MYMK: variants seen among roughly 807,000 people sequenced by gnomAD.
MYMK encodes protein myomaker.
A neutral mutation model predicts 22.4 loss-of-function variants in MYMK; 16 were observed. The ratio of observed to expected loss-of-function variants is 0.72; its 90% CI spans 0.48 to 1.09. The LOEUF (loss-of-function observed/expected upper bound fraction) is 1.09, where lower values mean the gene tolerates loss of function less well. Among genes scored for constraint, MYMK ranks in the 50% least tolerant of loss-of-function variants. The pLI is 0.00. For missense variants in MYMK, 250 were observed against 295.6 expected (o/e 0.85, Z 1.13); for synonymous variants, 125 against 127.0 (o/e 0.98, Z 0.11).
At chr9:133,521,500 G>A (rs531380138) in intron 1 of MYMK, among the ~76,000 whole-genome samples, 46 of 152,218 alleles carry the variant, frequency 3.0e-4, no homozygotes, top group Non-Finnish European at 4.9e-4. Context: ...CTAAAGTGAC[G>A]GTGCACCTAG....
At chr9:133,518,378 G>A (rs995428744) in intron 3 of MYMK, among the ~76,000 whole-genome samples, 2 of 152,186 alleles carry the variant, frequency 1.3e-5, no homozygotes, top group African/African-American at 4.8e-5. Context: ...AACCAAGCTC[G>A]AGGCTCACTC....
At chr9:133,520,080 A>C (rs1844682375) in intron 2 of MYMK, 94 bp downstream of exon 2, 1 of 892,298 alleles carries the variant, frequency 1.1e-6, no homozygotes. Context: ...GTGGGGATAG[A>C]GGGCTGCAGC....
At chr9:133,524,397 A>G (rs911485512) in intron 1 of MYMK, among the ~76,000 whole-genome samples, 2 of 152,046 alleles carry the variant, frequency 1.3e-5, no homozygotes, top group African/African-American at 4.8e-5. Flanking sequence ...GGCTTTGATT[A>G]GCAGCTGAGA....
intron 1 of MYMK, among the ~76,000 whole-genome samples, chr9:133,522,887 G>T (rs539764037): frequency 6.6e-6 from 1 of 152,344 alleles, no homozygotes; most frequent in South Asian, 2.1e-4. Flanking sequence ...AGTGACACAA[G>T]TGACTCTGTC....
chr9:133,524,643 CAG>C (rs1033024572), intron 1 of MYMK, 65 bp downstream of exon 1: 15 of 1,610,440 alleles, frequency 9.3e-6, no homozygotes, highest in Admixed American at 3.4e-5. Flanking sequence ...ACGCTGTGGA[CAG>C]AGAGCCTCTC....
chr9:133,516,096 A>T (rs548064956), intron 3 of MYMK, among the ~76,000 whole-genome samples: 20 of 152,206 alleles, frequency 1.3e-4, no homozygotes, highest in Non-Finnish European at 2.5e-4. Flanking sequence ...CTCACTCTTC[A>T]TTAGACAAAC....
At chr9:133,518,744 GA>G in intron 3 of MYMK, 129 bp downstream of exon 3, 2 of 1,242,252 alleles carry the variant, frequency 1.6e-6, no homozygotes, top group Non-Finnish European at 2.2e-6. Flanking sequence ...TGGTTTTGCT[GA>G]ATTCCTGCAT....
intron 4 of MYMK, 40 bp from the exon 5 acceptor site, chr9:133,514,825 T>C (rs1366767620): frequency 1.3e-6 from 2 of 1,587,426 alleles, no homozygotes; most frequent in South Asian, 2.3e-5. Context: ...CTCAGCCCCC[T>C]CCCCGAGGCT....
At chr9:133,522,161 G>A (rs1368274699) in intron 1 of MYMK, among the ~76,000 whole-genome samples, 2 of 152,250 alleles carry the variant, frequency 1.3e-5, no homozygotes, top group African/African-American at 2.4e-5. Context: ...TGCCCAAAGA[G>A]GTGAAACAGA....
At position 133,515,350 on chromosome 9, in the gene MYMK, A is replaced by G. The variant is rs1844618485; in HGVS notation, c.516+141T>C. The G allele has an allele frequency of 3.0e-6, 2 of 662,410 alleles. No individual in the cohort carries two copies. The highest frequency in any genetic ancestry group is 1.8e-5 in the South Asian group (1 of 56,218). 41.0% of individuals were successfully genotyped at this position (662,410 alleles called of 1,614,324 possible). ...CCCCGACATAGCCCTGGGAGGGGCT[A>G]GTGAGCAGGGACTAATACCAGACTT... On this transcript the variant is annotated intron_variant, in intron 4 of 4. Transcript: ENST00000339996. The surrounding 1 kb of genome is among the most constrained non-coding windows in gnomAD (Gnocchi z 5.8).
intron 3 of MYMK, among the ~76,000 whole-genome samples, chr9:133,517,269 C>T (rs1377072842): frequency 6.6e-6 from 1 of 152,244 alleles, no homozygotes; most frequent in Non-Finnish European, 1.5e-5. Flanking sequence ...AGCGCTCCCT[C>T]TCTCCCCACC....
intron 1 of MYMK, among the ~76,000 whole-genome samples, chr9:133,523,688 A>G (rs1242311602): frequency 9.3e-6 from 1 of 107,894 alleles, no homozygotes; most frequent in Non-Finnish European, 2.1e-5. Flanking sequence ...AGATGGAGAG[A>G]GAGAGAGAGA....
intron 1 of MYMK, among the ~76,000 whole-genome samples, chr9:133,521,025 C>G (rs1844697072): frequency 6.6e-6 from 1 of 152,126 alleles, no homozygotes; most frequent in Admixed American, 6.5e-5. Context: ...GTTTCTGTTG[C>G]CTTAACGTGG....
At position 133,514,749 on chromosome 9, in the gene MYMK, A is replaced by G. The variant is rs1131692247; in HGVS notation, c.553T>C (p.Cys185Arg). 13 of 1,614,048 alleles carry G rather than the reference A, an allele frequency of 8.1e-6. No homozygotes were observed. Among genetic ancestry groups the G allele is most frequent in the Non-Finnish European group, 1.1e-5 (13 of 1,179,918 alleles). ...AGAACAAAGGACATAGCCAGGGCAC[A>G]GTGGTAGAAGCTGTGGACATAAGTG... The part of the protein sequence containing the change: ...DYTYVHSFYH[C>R]ALAMSFVLLL... The change falls in exon 5 of 5, where the codon TGT (cysteine) becomes CGT (arginine). Residue 185 changes from cysteine (C) to arginine (R), a missense_variant. Cys to Arg is a radical substitution (Grantham distance 180). Transcript: ENST00000339996.
At chr9:133,520,824 C>T (rs1844695147) in intron 1 of MYMK, among the ~76,000 whole-genome samples, 1 of 152,190 alleles carries the variant, frequency 6.6e-6, no homozygotes, top group Non-Finnish European at 1.5e-5. Context: ...GTCTACACTG[C>T]AGCAGCGTTC....
At chr9:133,518,093 C>A (rs925711863) in intron 3 of MYMK, among the ~76,000 whole-genome samples, 41 of 152,354 alleles carry the variant, frequency 2.7e-4, no homozygotes, top group Admixed American at 4.6e-4. Flanking sequence ...AGCCTGCTGG[C>A]TCCCCAGGTC....
intron 3 of MYMK, 66 bp downstream of exon 3, chr9:133,518,808 A>G: frequency 6.4e-7 from 1 of 1,558,098 alleles, no homozygotes; most frequent in South Asian, 1.2e-5. Context: ...AGGCAGGAGG[A>G]GTCAGACAGG....
chr9:133,515,388 G>C lies in MYMK; in HGVS notation c.516+103C>G. ...TAATACCAGACTTTGGCCTGGGGCT[G>C]TCAGAGTCCCCCCAGCGTGGGCACA... On this transcript the variant is annotated intron_variant, in intron 4 of 4. Transcript: ENST00000339996. This position sits in a 1 kb window ranked among gnomAD's most constrained non-coding sequence, Gnocchi z 5.8. 1.2e-6 allele frequency: 1 copy of C among 810,724 alleles called. No individual in the cohort carries two copies. 50.2% of individuals were successfully genotyped at this position (810,724 alleles called of 1,614,324 possible).
chr9:133,515,431 G>T lies in MYMK; in HGVS notation c.516+60C>A, dbSNP rs1433089128. 13 of 1,204,566 alleles carry T rather than the reference G, an allele frequency of 1.1e-5. No individual in the cohort carries two copies. Among genetic ancestry groups the T allele is most frequent in the Non-Finnish European group, 1.6e-5 (13 of 816,202 alleles). The allele number at this position is 1,204,566 out of a possible 1,614,324, so 74.6% of individuals were successfully genotyped here. On this transcript the variant is annotated intron_variant, in intron 4 of 4. Transcript: ENST00000339996. This position sits in a 1 kb window ranked among gnomAD's most constrained non-coding sequence, Gnocchi z 5.8. Reference sequence around the variant, plus strand: ...TGGGCACAGCCCTGGTATCCCAGCTGAGCAGAGCCATGCCGAGTGGGCTCT... The same window carrying T: ...TGGGCACAGCCCTGGTATCCCAGCTTAGCAGAGCCATGCCGAGTGGGCTCT...
Sources: gnomAD v4.1 joint callset for allele counts (sites outside exome capture counted in the v4.1 genomes callset) on GRCh38, gnomAD v4.1.1 for gene constraint, Gnocchi (gnomAD v3.1) non-coding constraint, MANE v1.5 for transcripts, NCBI Gene and HGNC (gene_info 2026-07-23, HGNC 2026-07-21) for gene names.